DIAPH2: variants seen among roughly 807,000 people sequenced by gnomAD.
DIAPH2 encodes the protein protein diaphanous homolog 2.
In DIAPH2, 35 loss-of-function variants were observed where a neutral mutation model predicts 92.7. The observed-to-expected ratio is 0.38, with a 90% CI of 0.29 to 0.50. The LOEUF is 0.50. Among genes scored for constraint, DIAPH2 ranks in the 20% least tolerant of loss-of-function variants. The probability of loss-of-function intolerance (pLI) is 0.94; values close to 1 mark genes in which losing one functional copy is unlikely to be tolerated. For missense variants in DIAPH2, 701 were observed against 819.5 expected (o/e 0.86, Z 1.77); for synonymous variants, 301 against 280.4 (o/e 1.07, Z -0.73).
intron 5 of DIAPH2, chrX:96,884,775 C>T (rs761871309): frequency 1.9e-5 from 23 of 1,207,753 alleles, no homozygotes; most frequent in African/African-American, 7.1e-5. Context: ...ACGAGTTCAC[C>T]GTGCATATTC....
intron 17 of DIAPH2, among the ~76,000 whole-genome samples, chrX:97,045,440 C>T (rs994478199): frequency 1.8e-5 from 2 of 111,510 alleles, no homozygotes; most frequent in African/African-American, 6.5e-5. Context: ...ATCATTAGCA[C>T]ATCGATGGTA....
At chrX:96,767,878 A>G (rs987472105) in intron 4 of DIAPH2, among the ~76,000 whole-genome samples, 1 of 112,132 alleles carries the variant, frequency 8.9e-6, no homozygotes, top group African/African-American at 3.2e-5. Flanking sequence ...ATTTAATAAA[A>G]TAGTTGAGGA....
At chrX:97,421,474 A>G in intron 25 of DIAPH2, among the ~76,000 whole-genome samples, 1 of 111,710 alleles carries the variant, frequency 9.0e-6, no homozygotes, top group East Asian at 2.8e-4. Flanking sequence ...AAAAAGATTG[A>G]ATCTAGCACT....
intron 26 of DIAPH2, among the ~76,000 whole-genome samples, chrX:97,473,938 C>T (rs1028551310): frequency 5.4e-5 from 6 of 112,103 alleles, no homozygotes; most frequent in Admixed American, 9.4e-5. Context: ...CTAGCCTAGG[C>T]GGCAAAGGGA....
chrX:97,444,584 G>A (rs1034988546), intron 26 of DIAPH2, among the ~76,000 whole-genome samples: 1 of 111,447 alleles, frequency 9.0e-6, no homozygotes, highest in Admixed American at 9.6e-5. Flanking sequence ...ATGAAGGAAT[G>A]TTTGTATCAG....
intron 25 of DIAPH2, among the ~76,000 whole-genome samples, chrX:97,415,893 C>T (rs1052908569): frequency 6.3e-5 from 7 of 111,143 alleles, no homozygotes; most frequent in African/African-American, 2.0e-4. Flanking sequence ...AAGACATCAC[C>T]ACCATGGACA....
At chrX:97,559,872 A>G (rs758796780) in intron 26 of DIAPH2, among the ~76,000 whole-genome samples, 4 of 112,096 alleles carry the variant, frequency 3.6e-5, no homozygotes, top group East Asian at 5.6e-4. Context: ...TGGGATAGGT[A>G]TCACTTCATG....
At chrX:97,040,585 A>G (rs2066442078) in intron 17 of DIAPH2, among the ~76,000 whole-genome samples, 1 of 110,951 alleles carries the variant, frequency 9.0e-6, no homozygotes, top group African/African-American at 3.3e-5. Context: ...GCGCTTTTGC[A>G]CTGCTATGTT....
intron 26 of DIAPH2, among the ~76,000 whole-genome samples, chrX:97,560,412 T>G (rs991899495): frequency 8.9e-6 from 1 of 112,442 alleles, no homozygotes; most frequent in Non-Finnish European, 1.9e-5. Context: ...AACAGCCAGT[T>G]AGCTGTGAGA....
chrX:97,251,888 G>C lies in DIAPH2; in HGVS notation c.2844+4049G>C, dbSNP rs932897987. On this transcript the variant is annotated intron_variant, in intron 23 of 26. Transcript: ENST00000324765. The stretch of plus-strand genomic sequence containing the variant: ...AGTTCAGAGACACCTTCTTGCTTCT[G>C]TGGTCCTCCTGGTGTCCTTCAGCTC... Among the ~76,000 whole-genome samples, 5 of 111,804 alleles carry C rather than the reference G, an allele frequency of 4.5e-5. No individual in the cohort carries two copies. In the Admixed American group the frequency reaches 4.7e-4, roughly 11 times the overall value.
intron 22 of DIAPH2, among the ~76,000 whole-genome samples, chrX:97,198,797 C>T (rs764549354): frequency 1.1e-4 from 12 of 111,239 alleles, no homozygotes; most frequent in Non-Finnish European, 1.7e-4. Flanking sequence ...CTTCTGTTAT[C>T]GTAAAGTCAC....
intron 21 of DIAPH2, among the ~76,000 whole-genome samples, chrX:97,141,430 C>T (rs2067208011): frequency 9.0e-6 from 1 of 111,359 alleles, no homozygotes; most frequent in Non-Finnish European, 1.9e-5. Context: ...ATAATTTAGA[C>T]ATTTTTGAAA....
chrX:97,242,433 G>T (rs1353178476), intron 22 of DIAPH2, among the ~76,000 whole-genome samples: 1 of 107,916 alleles, frequency 9.3e-6, no homozygotes, highest in African/African-American at 3.4e-5. Context: ...GCACGATCTC[G>T]GCTCACTGCA....
chrX:97,331,100 G>C (rs772458410), intron 23 of DIAPH2, among the ~76,000 whole-genome samples: 1 of 111,232 alleles, frequency 9.0e-6, no homozygotes, highest in Admixed American at 9.7e-5. Flanking sequence ...ACACATTAAA[G>C]ATAGATTCAC....
chrX:96,937,314 T>G lies in DIAPH2; in HGVS notation c.1171T>G (p.Leu391Val). 3 of 1,155,817 alleles carry G rather than the reference T, an allele frequency of 2.6e-6. No individual in the cohort carries two copies. Among genetic ancestry groups the G allele is most frequent in the Non-Finnish European group, 3.5e-6 (3 of 857,090 alleles). Reference protein sequence around the residue: ...DENKEDDLTELSHRLNDIRAE... With the variant: ...DENKEDDLTEVSHRLNDIRAE... The stretch of plus-strand genomic sequence containing the variant: ...AAACAAAGAAGATGACCTAACTGAA[T>G]TATCACACCGTCTCAATGACATTCG... Residue 391 changes from leucine (L) to valine (V), a missense_variant, in exon 11 of 27, where the codon TTA becomes GTA. Physicochemically the swap from Leu to Val is conservative, Grantham distance 32. Transcript: ENST00000324765.
At chrX:97,025,638 C>T (rs750306650) in intron 17 of DIAPH2, among the ~76,000 whole-genome samples, 66 of 110,424 alleles carry the variant, frequency 6.0e-4, no homozygotes, top group African/African-American at 2.2e-3. Context: ...GGCGACAGAG[C>T]AAGACTCCGT....
chrX:97,419,761 A>G (rs1250882480), intron 25 of DIAPH2, among the ~76,000 whole-genome samples: 1 of 112,117 alleles, frequency 8.9e-6, no homozygotes, highest in African/African-American at 3.2e-5. Context: ...TAAATGGTAG[A>G]TATTATTAAT....
rs1472562776 is a variant in DIAPH2, at chrX:97,587,801, T to A, written c.3242-11452T>A. ...TAAAATGTTCAGCTTTTTCTCTGTA[T>A]CGGGTGCCATTCTGGTCATTTTACT... On this transcript the variant is annotated intron_variant, in intron 26 of 26. Transcript: ENST00000324765. 2.7e-5 allele frequency among the ~76,000 whole-genome samples: 3 copies of A among 112,153 alleles called. No individual in the cohort carries two copies. The Admixed American group carries it at 2.8e-4, about 11-fold the overall frequency.
At chrX:97,021,646 T>C (rs2066298947) in intron 17 of DIAPH2, among the ~76,000 whole-genome samples, 1 of 112,061 alleles carries the variant, frequency 8.9e-6, no homozygotes, top group South Asian at 3.7e-4. Flanking sequence ...AATAAATTAA[T>C]GAAAAGTATA....
Sources: allele counts gnomAD v4.1 joint callset (sites outside exome capture counted in the v4.1 genomes callset), GRCh38; gene constraint gnomAD v4.1.1; transcripts MANE v1.5; gene names NCBI Gene and HGNC (gene_info 2026-07-23, HGNC 2026-07-21).